The following LRRIQ3 variants were observed in gnomAD, a reference collection of about 807,000 sequenced individuals.
The protein encoded by LRRIQ3 is leucine rich repeats and IQ motif containing 3, also known as leucine-rich repeat and IQ domain-containing protein 3.
A neutral mutation model predicts 59.3 loss-of-function variants in LRRIQ3; 75 were observed. That is an observed-to-expected ratio of 1.26 (90% CI 1.05 to 1.53). The LOEUF is 1.53. LRRIQ3 is among the 40% of genes most tolerant of loss of function. LRRIQ3 has a pLI of 0.00. For missense variants in LRRIQ3, 831 were observed against 710.0 expected (o/e 1.17, Z -1.94); for synonymous variants, 250 against 231.3 (o/e 1.08, Z -0.73).
At chr1:74,129,188 T>C (rs1646976859) in intron 4 of LRRIQ3, among the ~76,000 whole-genome samples, 1 of 152,060 alleles carries the variant, frequency 6.6e-6, no homozygotes, top group Admixed American at 6.6e-5. Context: ...TTTTCTTTTC[T>C]TCAGTGTGGC....
intron 5 of LRRIQ3, among the ~76,000 whole-genome samples, chr1:74,107,588 AAAT>A (rs1433769052): frequency 6.7e-6 from 1 of 149,412 alleles, no homozygotes. Flanking sequence ...ATTATTATAT[AAAT>A]AATAAAATAA....
In LRRIQ3 at chr1:74,183,680, A is replaced by G. The variant is rs373523364; in HGVS notation, c.5T>C (p.Phe2Ser). ...TAGCTCTTCTGTGACTGTTCCATGA[A>G]ACATCTAGGAAAGATAAGAAAGTGC... is the stretch of plus-strand genomic sequence containing the variant. The part of the protein sequence containing the change: M[F>S]HGTVTEELTS... Residue 2 changes from phenylalanine (F) to serine (S), a missense_variant, in exon 2 of 8, where the codon TTT becomes TCT. Transcript: ENST00000354431. 3.4e-6 allele frequency: 5 copies of G among 1,487,786 alleles called. No homozygotes were observed. In the African/African-American group the frequency reaches 7.2e-5, roughly 21 times the overall value. The allele number at this position is 1,487,786 out of a possible 1,614,324, so 92.2% of individuals were successfully genotyped here.
intron 7 of LRRIQ3, among the ~76,000 whole-genome samples, chr1:74,032,683 A>C (rs141376150): frequency 2.3e-4 from 35 of 152,246 alleles, no homozygotes; most frequent in African/African-American, 7.7e-4. Flanking sequence ...AGGTTAATTA[A>C]GCAATATTCT....
intron 6 of LRRIQ3, among the ~76,000 whole-genome samples, chr1:74,062,743 C>A (rs1294092238): frequency 6.6e-6 from 1 of 151,938 alleles, no homozygotes; most frequent in African/African-American, 2.4e-5. Context: ...AAACAGAAAA[C>A]CAAATACCAC....
At chr1:74,174,454 C>A (rs1273945141) in intron 3 of LRRIQ3, among the ~76,000 whole-genome samples, 22 of 151,924 alleles carry the variant, frequency 1.4e-4, no homozygotes. Context: ...GCGATCTCAG[C>A]TCACTGTAAC....
At chr1:74,066,800 T>C (rs773241746) in intron 6 of LRRIQ3, among the ~76,000 whole-genome samples, 3 of 152,092 alleles carry the variant, frequency 2.0e-5, no homozygotes, top group Admixed American at 6.6e-5. Context: ...AAAACAAAAG[T>C]TGATTTCTTG....
At chr1:74,063,693 CATTA>C (rs1231239707) in intron 6 of LRRIQ3, among the ~76,000 whole-genome samples, 1 of 151,910 alleles carries the variant, frequency 6.6e-6, no homozygotes, top group Non-Finnish European at 1.5e-5. Flanking sequence ...TTTTGACTGA[CATTA>C]ATACAGTCCC....
chr1:74,042,776 C>T (rs1214252561), intron 6 of LRRIQ3, among the ~76,000 whole-genome samples: 1 of 152,018 alleles, frequency 6.6e-6, no homozygotes, highest in Non-Finnish European at 1.5e-5. Flanking sequence ...CCTTTGCTTT[C>T]CTTTGTGTGA....
intron 4 of LRRIQ3, among the ~76,000 whole-genome samples, chr1:74,121,901 A>G (rs1216856033): frequency 6.6e-6 from 1 of 151,808 alleles, no homozygotes; most frequent in Non-Finnish European, 1.5e-5. Flanking sequence ...TGTCCCTACA[A>G]AGGACATGAA....
chr1:74,191,242 G>C (rs1036233224), intron 1 of LRRIQ3, among the ~76,000 whole-genome samples: 1 of 152,078 alleles, frequency 6.6e-6, no homozygotes, highest in Non-Finnish European at 1.5e-5. Flanking sequence ...AATTCTGTTA[G>C]ATAAATATTG....
chr1:74,050,266 G>A (rs1300746667), intron 6 of LRRIQ3, among the ~76,000 whole-genome samples: 1 of 152,026 alleles, frequency 6.6e-6, no homozygotes, highest in African/African-American at 2.4e-5. Flanking sequence ...TTGAAGTACA[G>A]GTTCTCCTTT....
intron 5 of LRRIQ3, among the ~76,000 whole-genome samples, chr1:74,098,541 GC>G (rs1646483183): frequency 6.6e-6 from 1 of 152,066 alleles, no homozygotes; most frequent in Non-Finnish European, 1.5e-5. Flanking sequence ...ACTCAGCTCT[GC>G]ACCAAGCAGA....
chr1:74,026,960 T>G lies in LRRIQ3; in HGVS notation c.1728A>C (p.Glu576Asp). ...TTTCTTCACAATGTCTTTTATATATTTCTTGAGATCTAAGAGGAGAAAGAA... is the reference window on the plus strand; with the variant it reads ...TTTCTTCACAATGTCTTTTATATATGTCTTGAGATCTAAGAGGAGAAAGAA... Reference protein sequence around the residue: ...LKEMKKVRSQEIYKRHCEEKF... With the variant: ...LKEMKKVRSQDIYKRHCEEKF... The change falls in exon 8 of 8, where the codon GAA becomes GAC. Residue 576 changes from glutamate to aspartate, a missense_variant. Coordinates refer to ENST00000354431, the MANE Select transcript of LRRIQ3 (RefSeq NM_001105659.2). 1 of 1,546,044 alleles carries G rather than the reference T, an allele frequency of 6.5e-7. No homozygotes were observed. The highest frequency in any genetic ancestry group is 8.8e-7 in the Non-Finnish European group (1 of 1,133,774).
At chr1:74,116,953 T>A (rs578076704) in intron 4 of LRRIQ3, among the ~76,000 whole-genome samples, 2 of 152,250 alleles carry the variant, frequency 1.3e-5, no homozygotes, top group African/African-American at 4.8e-5. Flanking sequence ...TCTTCAGCTC[T>A]ATTTGTCCTA....
intron 4 of LRRIQ3, chr1:74,144,401 C>G: frequency 3.3e-6 from 1 of 301,064 alleles, no homozygotes; most frequent in Non-Finnish European, 6.8e-6. Flanking sequence ...TGAAACATTT[C>G]TTTATTTTCA....
At chr1:74,100,119 C>T (rs865887495) in intron 5 of LRRIQ3, among the ~76,000 whole-genome samples, 7 of 152,134 alleles carry the variant, frequency 4.6e-5, no homozygotes. Flanking sequence ...GTCAAATTGT[C>T]CCTGTCTGCA....
chr1:74,085,409 T>C (rs1646317606), intron 5 of LRRIQ3, among the ~76,000 whole-genome samples: 1 of 150,392 alleles, frequency 6.6e-6, no homozygotes, highest in Non-Finnish European at 1.5e-5. Flanking sequence ...ATAGTCACCT[T>C]AAAAGGAGGT....
At chr1:74,068,132 A>AT (rs2100461420) in intron 6 of LRRIQ3, among the ~76,000 whole-genome samples, 2 of 152,074 alleles carry the variant, frequency 1.3e-5, no homozygotes, top group South Asian at 2.1e-4. Flanking sequence ...CCTGATATCA[A>AT]TTTTTTCATC....
At chr1:74,161,095 T>A (rs1406191235) in intron 3 of LRRIQ3, among the ~76,000 whole-genome samples, 5 of 152,034 alleles carry the variant, frequency 3.3e-5, no homozygotes, top group Non-Finnish European at 1.5e-5. Flanking sequence ...CTGGCAGTTT[T>A]AGTGTTGGAT....
Sources: gnomAD v4.1 joint callset for allele counts (sites outside exome capture counted in the v4.1 genomes callset) on GRCh38, gnomAD v4.1.1 for gene constraint, MANE v1.5 for transcripts, NCBI Gene and HGNC (gene_info 2026-07-23, HGNC 2026-07-21) for gene names.